The following NR3C2 variants were observed in gnomAD, a reference collection of about 807,000 sequenced individuals.
NR3C2 encodes the protein mineralocorticoid receptor.
In NR3C2, 15 loss-of-function variants were observed where a neutral mutation model predicts 86.4. The observed-to-expected ratio is 0.17, with a 90% CI of 0.12 to 0.27. The LOEUF (loss-of-function observed/expected upper bound fraction) is 0.27. Among genes scored for constraint, NR3C2 ranks in the 10% least tolerant of loss-of-function variants. The probability of loss-of-function intolerance (pLI) is 1.00; values close to 1 mark genes in which losing one functional copy is unlikely to be tolerated. For missense variants in NR3C2, 960 were observed against 1,195.6 expected, an observed-to-expected ratio of 0.80 and a Z score of 2.91; for synonymous variants, 458 against 450.5, an observed-to-expected ratio of 1.02 and a Z score of -0.21.
intron 2 of NR3C2, among the ~76,000 whole-genome samples, chr4:148,335,761 T>TA (rs58947029): frequency 0.046 from 6,770 of 146,664 alleles, 478 homozygotes; most frequent in African/African-American, 0.15. Flanking sequence ...AAAAAGTAAT[T>TA]AAAAAAAAAA....
chr4:148,392,211 G>C (rs1024055049), intron 2 of NR3C2, among the ~76,000 whole-genome samples: 1 of 152,166 alleles, frequency 6.6e-6, no homozygotes, highest in African/African-American at 2.4e-5. Context: ...AAAGAAGCTT[G>C]AATTAGAAGA....
intron 6 of NR3C2, among the ~76,000 whole-genome samples, chr4:148,134,938 G>A (rs939170812): frequency 5.9e-5 from 9 of 151,750 alleles, no homozygotes; most frequent in Non-Finnish European, 7.4e-5. Flanking sequence ...GATTACAGGC[G>A]TGAGCCACCA....
intron 4 of NR3C2, among the ~76,000 whole-genome samples, chr4:148,161,817 A>C (rs1441546379): frequency 2.0e-5 from 3 of 152,222 alleles, no homozygotes; most frequent in African/African-American, 7.2e-5. Context: ...TTACAATCTT[A>C]GGGAAGTTGA....
intron 2 of NR3C2, among the ~76,000 whole-genome samples, chr4:148,261,948 T>G (rs35694427): frequency 6.6e-6 from 1 of 152,242 alleles, no homozygotes; most frequent in African/African-American, 2.4e-5. Context: ...ACTGAAATAA[T>G]GTTCTCCAAA....
intron 6 of NR3C2, among the ~76,000 whole-genome samples, chr4:148,137,773 A>C (rs1355746860): frequency 6.6e-6 from 1 of 152,014 alleles, no homozygotes. Flanking sequence ...GTGAGGCTAA[A>C]TTTTTTTCAT....
intron 3 of NR3C2, among the ~76,000 whole-genome samples, chr4:148,235,775 C>T (rs1738721557): frequency 1.3e-5 from 2 of 152,128 alleles, no homozygotes; most frequent in Non-Finnish European, 2.9e-5. Context: ...GGATCTACTT[C>T]AACAATGGTT....
At chr4:148,296,677 AT>A (rs1446267299) in intron 2 of NR3C2, among the ~76,000 whole-genome samples, 1 of 152,092 alleles carries the variant, frequency 6.6e-6, no homozygotes, top group Non-Finnish European at 1.5e-5. Context: ...TCAGCTGCCC[AT>A]TTCATTTTAT....
chr4:148,182,209 T>C lies in NR3C2; in HGVS notation c.2014+12537A>G, dbSNP rs540350589. On this transcript the variant is annotated intron_variant, in intron 4 of 8. Transcript: ENST00000358102. ...TGAGATCGAGACATGCATAAAAGGGTTTTAATTCATGTTTTTAATTTTAGA... is the reference window on the plus strand; with the variant it reads ...TGAGATCGAGACATGCATAAAAGGGCTTTAATTCATGTTTTTAATTTTAGA... Among the ~76,000 whole-genome samples the C allele has an allele frequency of 3.9e-5, 6 of 152,236 alleles. No individual in the cohort carries two copies. In the South Asian group the frequency reaches 1.2e-3, roughly 32 times the overall value.
intron 2 of NR3C2, among the ~76,000 whole-genome samples, chr4:148,335,639 TGAAAAA>T (rs1478231471): frequency 6.6e-6 from 1 of 152,132 alleles, no homozygotes; most frequent in African/African-American, 2.4e-5. Flanking sequence ...TTTAAAAATT[TGAAAAA>T]GAAAATGATT....
chr4:148,177,956 C>T (rs1326561512), intron 4 of NR3C2, among the ~76,000 whole-genome samples: 1 of 152,148 alleles, frequency 6.6e-6, no homozygotes, highest in African/African-American at 2.4e-5. Flanking sequence ...TTAAAGCTTC[C>T]GAGATATGCT....
intron 2 of NR3C2, among the ~76,000 whole-genome samples, chr4:148,414,982 T>C (rs115734112): frequency 0.011 from 1,662 of 152,338 alleles, 14 homozygotes; most frequent in Middle Eastern, 0.027. Context: ...ATGATATGCA[T>C]AAATGCAAAT....
At chr4:148,252,593 A>AAGT (rs1739630785) in intron 3 of NR3C2, among the ~76,000 whole-genome samples, 1 of 152,202 alleles carries the variant, frequency 6.6e-6, no homozygotes, top group Non-Finnish European at 1.5e-5. Context: ...ATTAAAACCA[A>AAGT]AGTAGCTCAT....
At chr4:148,293,787 G>A (rs1393606949) in intron 2 of NR3C2, among the ~76,000 whole-genome samples, 2 of 152,140 alleles carry the variant, frequency 1.3e-5, no homozygotes, top group African/African-American at 4.8e-5. Context: ...TAAGCAACAT[G>A]TTTGGTATCA....
intron 2 of NR3C2, among the ~76,000 whole-genome samples, chr4:148,429,596 T>C (rs541107243): frequency 1.3e-5 from 2 of 152,352 alleles, no homozygotes; most frequent in East Asian, 1.9e-4. Context: ...CAAGTGCTTA[T>C]ATGTAATTAC....
intron 6 of NR3C2, among the ~76,000 whole-genome samples, chr4:148,139,036 G>T (rs1288157765): frequency 6.6e-6 from 1 of 152,196 alleles, no homozygotes; most frequent in East Asian, 1.9e-4. Flanking sequence ...AGGCTTCTCA[G>T]CCTCTACAAC....
intron 8 of NR3C2, among the ~76,000 whole-genome samples, chr4:148,094,735 A>C (rs1464442818): frequency 2.2e-5 from 3 of 135,468 alleles, no homozygotes; most frequent in Non-Finnish European, 3.1e-5. Flanking sequence ...AACAAAAAAA[A>C]CAAAAAAACA....
At chr4:148,424,781 G>C (rs1235301105) in intron 2 of NR3C2, among the ~76,000 whole-genome samples, 1 of 152,050 alleles carries the variant, frequency 6.6e-6, no homozygotes, top group Non-Finnish European at 1.5e-5. Context: ...TGAGGAAAAG[G>C]GTTGACCAAG....
chr4:148,411,039 T>C (rs1278937772), intron 2 of NR3C2, among the ~76,000 whole-genome samples: 1 of 152,222 alleles, frequency 6.6e-6, no homozygotes, highest in African/African-American at 2.4e-5. Flanking sequence ...AAATTGCAGT[T>C]TCTTGCTATA....
At chr4:148,084,224 G>A (rs1011843529) in intron 8 of NR3C2, among the ~76,000 whole-genome samples, 33 of 151,838 alleles carry the variant, frequency 2.2e-4, no homozygotes, top group African/African-American at 7.3e-4. Flanking sequence ...AGTCAGATTC[G>A]CCAAGGTTGA....
Sources: gnomAD v4.1 joint callset for allele counts (sites outside exome capture counted in the v4.1 genomes callset) on GRCh38, gnomAD v4.1.1 for gene constraint, MANE v1.5 for transcripts, NCBI Gene and HGNC (gene_info 2026-07-23, HGNC 2026-07-21) for gene names.